EFNB3: variants seen among roughly 807,000 people sequenced by gnomAD.
The protein encoded by EFNB3 is ephrin-B3.
EFNB3 carries 14 observed loss-of-function variants against 29.8 expected under a neutral mutation model. The observed-to-expected ratio is 0.47, with a 90% CI of 0.31 to 0.73. EFNB3 has a LOEUF of 0.73. EFNB3 is among the 30% of genes least tolerant of loss of function. EFNB3 has a pLI of 0.05. For missense variants in EFNB3, 408 were observed against 458.0 expected (o/e 0.89, Z 1.00); for synonymous variants, 216 against 191.6 (o/e 1.13, Z -1.05).
Position 7,705,915 on chromosome 17 carries a change from G to A in EFNB3, c.122+195G>A, listed in dbSNP as rs1400071929. Among the ~76,000 whole-genome samples the A allele has an allele frequency of 1.3e-5, 2 of 151,724 alleles. No homozygotes were observed. The highest frequency in any genetic ancestry group is 2.9e-5 in the Non-Finnish European group (2 of 67,956). On this transcript the variant is annotated intron_variant, in intron 1 of 4. Transcript: ENST00000226091. The surrounding 1 kb of genome is among the most constrained non-coding windows in gnomAD (Gnocchi z 5.4). ...TCCCACGCAGAGCTGGATGCGGGTG[G>A]TGCTATGGATGTCAGGAGTTTGGAG... is the stretch of plus-strand genomic sequence containing the variant.
In EFNB3 at chr17:7,708,353, C is replaced by G; in HGVS notation, c.416-82C>G. On this transcript the variant is annotated intron_variant, in intron 2 of 4. Coordinates refer to ENST00000226091, the MANE Select transcript of EFNB3 (RefSeq NM_001406.4). The surrounding 1 kb of genome is among the most constrained non-coding windows in gnomAD (Gnocchi z 6.8). Reference sequence around the variant, plus strand: ...AGAGGGAGATCCCAGTGCCCTCAGGCAGTGTTCACACCAGGGTGTGGGGCC... The same window carrying G: ...AGAGGGAGATCCCAGTGCCCTCAGGGAGTGTTCACACCAGGGTGTGGGGCC... 6.3e-7 allele frequency: 1 copy of G among 1,582,990 alleles called. No individual in the cohort carries two copies. The highest frequency in any genetic ancestry group is 2.2e-5 in the East Asian group (1 of 44,656).
intron 1 of EFNB3, among the ~76,000 whole-genome samples, chr17:7,706,933 C>T (rs550997700): frequency 1.8e-4 from 27 of 152,280 alleles, no homozygotes; most frequent in African/African-American, 6.5e-4. Flanking sequence ...CTTTTCTGTA[C>T]TCAGTCACCC....
Position 7,709,137 on chromosome 17 carries a change from CT to C in EFNB3, c.614-29del, listed in dbSNP as rs1263615375. 3 of 1,589,218 alleles carry C rather than the reference CT, an allele frequency of 1.9e-6. No individual in the cohort carries two copies. The highest frequency in any genetic ancestry group is 2.7e-5 in the African/African-American group (2 of 73,972). On this transcript the variant is annotated intron_variant, in intron 4 of 4. Transcript: ENST00000226091. The surrounding 1 kb of genome is among the most constrained non-coding windows in gnomAD (Gnocchi z 4.5). ...CAGGTGGCTCCTTCAGTCCCTCCCC[CT>C]CTTTCCTCCTTCACCCCTTCCCTGC... is the stretch of plus-strand genomic sequence containing the variant.
rs1597427820 is a variant in EFNB3, at chr17:7,709,703, C to T, written c.*127C>T. On this transcript the variant is annotated 3_prime_UTR_variant, in exon 5 of 5. Coordinates refer to ENST00000226091, the MANE Select transcript of EFNB3 (RefSeq NM_001406.4). This position sits in a 1 kb window ranked among gnomAD's most constrained non-coding sequence, Gnocchi z 4.5. ...GCCCCCCCAGCCCCTTCACTCCTCC[C>T]GGCTGCTGTCCTCGTCTCCACTTTT... 7.5e-6 allele frequency: 7 copies of T among 937,796 alleles called. No individual in the cohort carries two copies. Among genetic ancestry groups the T allele is most frequent in the Non-Finnish European group, 9.9e-6 (6 of 605,236 alleles). The allele number at this position is 937,796 out of a possible 1,614,324, so 58.1% of individuals were successfully genotyped here.
rs369962626 is a variant in EFNB3, at chr17:7,709,976, T to C, written c.*400T>C. The C allele has an allele frequency of 1.3e-5, 4 of 312,670 alleles. No homozygotes were observed. The highest frequency in any genetic ancestry group is 1.2e-4 in the South Asian group (4 of 33,788). The allele number at this position is 312,670 out of a possible 1,614,324, so 19.4% of individuals were successfully genotyped here. On this transcript the variant is annotated 3_prime_UTR_variant, in exon 5 of 5. Transcript: ENST00000226091. The surrounding 1 kb of genome is among the most constrained non-coding windows in gnomAD (Gnocchi z 4.5). ...CTGGTTTTCTCTTCTCTATCTCTTATTCTTTCCCTCTCTTCCGTCTCTAGG... is the reference window on the plus strand; with the variant it reads ...CTGGTTTTCTCTTCTCTATCTCTTACTCTTTCCCTCTCTTCCGTCTCTAGG...
At chr17:7,707,156 A>G (rs2074330083) in intron 1 of EFNB3, among the ~76,000 whole-genome samples, 1 of 152,186 alleles carries the variant, frequency 6.6e-6, no homozygotes, top group Non-Finnish European at 1.5e-5. Flanking sequence ...ATTGATGTCC[A>G]GGAAGGGGCT....
At position 7,708,786 on chromosome 17, in the gene EFNB3, C is replaced by A. The variant is rs1455656234; in HGVS notation, c.613+47C>A. 1 of 1,476,256 alleles carries A rather than the reference C, an allele frequency of 6.8e-7. No homozygotes were observed. 91.4% of individuals were successfully genotyped at this position (1,476,256 alleles called of 1,614,324 possible). On this transcript the variant is annotated intron_variant, in intron 4 of 4. Coordinates refer to ENST00000226091, the MANE Select transcript of EFNB3 (RefSeq NM_001406.4). The surrounding 1 kb of genome is among the most constrained non-coding windows in gnomAD (Gnocchi z 6.8). ...CCTGCCTTCCCCAGCTTCCTCTGCTCTCAGACCCCAGCTGCCCTGCCGTCA... is the reference window on the plus strand; with the variant it reads ...CCTGCCTTCCCCAGCTTCCTCTGCTATCAGACCCCAGCTGCCCTGCCGTCA...
rs917344784 is a variant in EFNB3, at chr17:7,708,956, C to G, written c.614-211C>G. ...AAGTCAGTGCTTCAATCAGTGCTGT[C>G]AGAGAAGTGGGGAGGACTCCGTGGC... On this transcript the variant is annotated intron_variant, in intron 4 of 4. Coordinates refer to ENST00000226091, the MANE Select transcript of EFNB3 (RefSeq NM_001406.4). The surrounding 1 kb of genome is among the most constrained non-coding windows in gnomAD (Gnocchi z 6.8). Among the ~76,000 whole-genome samples, 1 of 152,176 alleles carries G rather than the reference C, an allele frequency of 6.6e-6. No individual in the cohort carries two copies. Among genetic ancestry groups the G allele is most frequent in the African/African-American group, 2.4e-5 (1 of 41,428 alleles).
At position 7,708,160 on chromosome 17, in the gene EFNB3, C is replaced by T. The variant is rs1486189088; in HGVS notation, c.325C>T (p.Leu109=). 4 of 1,613,798 alleles carry T rather than the reference C, an allele frequency of 2.5e-6. No individual in the cohort carries two copies. The African/African-American group carries it at 4.0e-5, about 16-fold the overall frequency. ...CCTTCTCACTTGTGATCGCCCAGAC[C>T]TGGATCTCCGCTTCACCATCAAGTT... is the stretch of plus-strand genomic sequence containing the variant. ...NLLLTCDRPD[L]DLRFTIKFQE... The change falls in exon 2 of 5, where the codon CTG becomes TTG. Residue 109 remains leucine (L), a synonymous_variant. Coordinates refer to ENST00000226091, the MANE Select transcript of EFNB3 (RefSeq NM_001406.4). This position sits in a 1 kb window ranked among gnomAD's most constrained non-coding sequence, Gnocchi z 6.8.
Position 7,709,020 on chromosome 17 carries a change from G to T in EFNB3, c.614-147G>T. The T allele has an allele frequency of 1.2e-6, 1 of 831,810 alleles. No homozygotes were observed. The highest frequency in any genetic ancestry group is 2.6e-5 in the East Asian group (1 of 38,590). The allele number at this position is 831,810 out of a possible 1,614,324, so 51.5% of individuals were successfully genotyped here. A position where few individuals can be genotyped will look rare whatever the true frequency, so the allele number is the denominator to read the frequency against. ...GCTGGACACCTGGATTCTGAGCAGA[G>T]TTCGGAGGGGGAGGAGAGATGGGGT... On this transcript the variant is annotated intron_variant, in intron 4 of 4. Transcript: ENST00000226091. This position sits in a 1 kb window ranked among gnomAD's most constrained non-coding sequence, Gnocchi z 4.5.
Position 7,707,997 on chromosome 17 carries a change from C to T in EFNB3, c.162C>T (p.Ile54=), listed in dbSNP as rs146098500. 4.2e-5 allele frequency: 67 copies of T among 1,613,870 alleles called. No individual in the cohort carries two copies. The highest frequency in any genetic ancestry group is 3.3e-4 in the Middle Eastern group (2 of 6,060). The part of the protein sequence containing the change: ...AEGGYVLYPQ[I]GDRLDLLCPR... ...GTGGTTATGTGCTGTACCCTCAGAT[C>T]GGGGACCGGCTAGACCTGCTCTGCC... The change falls in exon 2 of 5, where the codon ATC becomes ATT. Residue 54 remains isoleucine, a synonymous_variant. Coordinates refer to ENST00000226091, the MANE Select transcript of EFNB3 (RefSeq NM_001406.4).
In EFNB3 at chr17:7,709,539, C is replaced by T. The variant is rs1411191870; in HGVS notation, c.986C>T (p.Pro329Leu). The T allele has an allele frequency of 6.2e-7, 1 of 1,613,734 alleles. No individual in the cohort carries two copies. The highest frequency in any genetic ancestry group is 1.1e-5 in the South Asian group (1 of 91,052). ...GHPVYIVQDG[P>L]PQSPPNIYYK... ...CCTGTGTATATCGTGCAGGATGGGC[C>T]CCCCCAGAGCCCTCCAAACATCTAC... Residue 329 changes from proline to leucine, a missense_variant, in exon 5 of 5, where the codon CCC becomes CTC. Pro to Leu is a moderately conservative substitution (Grantham distance 98, BLOSUM62 -3). Around this residue, in one of 3 missense-constraint regions of EFNB3, gnomAD observed 233 missense variants for 230.7 expected, o/e 1.01. Coordinates refer to ENST00000226091, the MANE Select transcript of EFNB3 (RefSeq NM_001406.4). This position sits in a 1 kb window ranked among gnomAD's most constrained non-coding sequence, Gnocchi z 4.5.
chr17:7,709,650 G>C lies in EFNB3; in HGVS notation c.*74G>C. On this transcript the variant is annotated 3_prime_UTR_variant, in exon 5 of 5. Coordinates refer to ENST00000226091, the MANE Select transcript of EFNB3 (RefSeq NM_001406.4). This position sits in a 1 kb window ranked among gnomAD's most constrained non-coding sequence, Gnocchi z 4.5. ...CCTCCAGTTTAATTCCTGGTTTGAG[G>C]GACACCTCTAACATCTCGGCCCCCT... 6.3e-7 allele frequency: 1 copy of C among 1,576,852 alleles called. No homozygotes were observed. The highest frequency in any genetic ancestry group is 8.7e-7 in the Non-Finnish European group (1 of 1,153,924).
chr17:7,707,850 G>A (rs2074332581), intron 1 of EFNB3, 108 bp from the exon 2 acceptor site: 5 of 1,301,132 alleles, frequency 3.8e-6, no homozygotes, highest in Non-Finnish European at 4.2e-6. Flanking sequence ...GCGGGCAAGC[G>A]TGAGCTGAGA....
chr17:7,708,627 A>G lies in EFNB3; in HGVS notation c.509-8A>G, dbSNP rs2074336411. On this transcript the variant is annotated splice_polypyrimidine_tract_variant and splice_region_variant and intron_variant, in intron 3 of 4. Coordinates refer to ENST00000226091, the MANE Select transcript of EFNB3 (RefSeq NM_001406.4). The surrounding 1 kb of genome is among the most constrained non-coding windows in gnomAD (Gnocchi z 6.8). ...CTCAGCCCCTCTCTGGGTCTTCCTCATCTCCAGGTCCCCGAGGAGGGGCTG... is the reference window on the plus strand; with the variant it reads ...CTCAGCCCCTCTCTGGGTCTTCCTCGTCTCCAGGTCCCCGAGGAGGGGCTG... The G allele has an allele frequency of 1.3e-6, 2 of 1,580,242 alleles. No individual in the cohort carries two copies. The highest frequency in any genetic ancestry group is 1.8e-5 in the Admixed American group (1 of 54,906).
At position 7,708,267 on chromosome 17, in the gene EFNB3, G is replaced by A. The variant is rs763934095; in HGVS notation, c.415+17G>A. 10 of 1,605,908 alleles carry A rather than the reference G, an allele frequency of 6.2e-6. No individual in the cohort carries two copies. In the Middle Eastern group the frequency reaches 5.0e-4, roughly 80 times the overall value. On this transcript the variant is annotated intron_variant, in intron 2 of 4. Coordinates refer to ENST00000226091, the MANE Select transcript of EFNB3 (RefSeq NM_001406.4). The surrounding 1 kb of genome is among the most constrained non-coding windows in gnomAD (Gnocchi z 6.8). Reference sequence around the variant, plus strand: ...ACATCATTGGTACTGCTGGGCAGAGGGCACGATTGAGTGGGGGGCTCCTGA... The same window carrying A: ...ACATCATTGGTACTGCTGGGCAGAGAGCACGATTGAGTGGGGGGCTCCTGA...
intron 1 of EFNB3, among the ~76,000 whole-genome samples, chr17:7,707,087 G>T (rs1299655308): frequency 1.3e-5 from 2 of 152,130 alleles, no homozygotes; most frequent in Non-Finnish European, 2.9e-5. Flanking sequence ...TTGGGAGTCT[G>T]GGAAGATATC....
rs765595228 is a variant in EFNB3 at position 7,707,971 on chromosome 17, G to A, written c.136G>A (p.Gly46Ser). 2.5e-6 allele frequency: 4 copies of A among 1,612,238 alleles called. No individual in the cohort carries two copies. In the African/African-American group the frequency reaches 4.0e-5, roughly 16 times the overall value. ...NSANKRFQAE[G>S]GYVLYPQIGD... ...TCCTCCCCATAGGTTCCAGGCAGAG[G>A]GTGGTTATGTGCTGTACCCTCAGAT... The change falls in exon 2 of 5, where the codon GGT (glycine) becomes AGT (serine). Residue 46 changes from glycine (G) to serine (S), a missense_variant. By Grantham distance (56) the Gly-to-Ser change is moderately conservative. Coordinates refer to ENST00000226091, the MANE Select transcript of EFNB3 (RefSeq NM_001406.4).
Position 7,708,403 on chromosome 17 carries a change from GC to G in EFNB3, c.416-30del. The G allele has an allele frequency of 1.2e-6, 2 of 1,603,182 alleles. No individual in the cohort carries two copies. The highest frequency in any genetic ancestry group is 1.7e-6 in the Non-Finnish European group (2 of 1,174,628). On this transcript the variant is annotated intron_variant, in intron 2 of 4. Coordinates refer to ENST00000226091, the MANE Select transcript of EFNB3 (RefSeq NM_001406.4). This position sits in a 1 kb window ranked among gnomAD's most constrained non-coding sequence, Gnocchi z 6.8. ...CAGAATCAGGGCTAGATTCTGGAGTGCCAACCTCTTCCTCTGGCTTTTCTCT... is the reference window on the plus strand; with the variant it reads ...CAGAATCAGGGCTAGATTCTGGAGTGCAACCTCTTCCTCTGGCTTTTCTCT...
Sources: gnomAD v4.1 joint callset for allele counts (sites outside exome capture counted in the v4.1 genomes callset) on GRCh38, gnomAD v4.1.1 for gene constraint, gnomAD v4.1.1 regional missense constraint, Gnocchi (gnomAD v3.1) non-coding constraint, MANE v1.5 for transcripts, NCBI Gene and HGNC (gene_info 2026-07-23, HGNC 2026-07-21) for gene names.